SPAG1: variants seen among roughly 807,000 people sequenced by gnomAD.
SPAG1 encodes the protein sperm-associated antigen 1.
A neutral mutation model predicts 100.5 loss-of-function variants in SPAG1; 69 were observed. The ratio of observed to expected loss-of-function variants is 0.69; its 90% confidence interval spans 0.57 to 0.84. SPAG1 has a LOEUF of 0.84. Ranked by LOEUF, SPAG1 falls within the 40% of genes least tolerant of loss-of-function variation. The pLI is 0.00. For synonymous variants in SPAG1, 336 were observed against 411.6 expected (o/e 0.82, Z 2.22); for missense variants, 955 against 1,133.1 (o/e 0.84, Z 2.26).
Position 100,164,597 on chromosome 8 carries a change from G to T in SPAG1, c.141-1217G>T, listed in dbSNP as rs959046328. Among the ~76,000 whole-genome samples the T allele has an allele frequency of 7.2e-5, 11 of 152,062 alleles. No individual in the cohort carries two copies. In the South Asian group the frequency reaches 8.3e-4, roughly 12 times the overall value. On this transcript the variant is annotated intron_variant, in intron 2 of 18. Transcript: ENST00000388798. The stretch of plus-strand genomic sequence containing the variant: ...CTGCCACCACGCCCGGCTAATTTTT[G>T]TACTTTTAGTAGAGAGTCCATTTCG...
intron 10 of SPAG1, among the ~76,000 whole-genome samples, chr8:100,205,490 C>G (rs1338405061): frequency 6.6e-6 from 1 of 152,094 alleles, no homozygotes; most frequent in Non-Finnish European, 1.5e-5. Context: ...CCGGACTCAT[C>G]CTGTGGTCAT....
At position 100,240,700 on chromosome 8, in the gene SPAG1, A is replaced by C. The variant is rs746468213; in HGVS notation, c.2578A>C (p.Asn860His). ...FLLLIQSLKN[N>H]LIEKDPSLVY... ...TCTCCTCATTCAGTCTCTGAAAAAT[A>C]ATCTTATTGAAAAAGATCCCTCATT... The change falls in exon 18 of 19, where the codon AAT (asparagine) becomes CAT (histidine). Residue 860 changes from asparagine (N) to histidine (H), a missense_variant. Transcript: ENST00000388798. The C allele has an allele frequency of 1.2e-6, 2 of 1,613,884 alleles. No individual in the cohort carries two copies. The highest frequency in any genetic ancestry group is 3.3e-5 in the Admixed American group (2 of 59,986).
rs1244449541 is a variant in SPAG1, at chr8:100,225,337, C to A, written c.1853C>A (p.Thr618Lys). ...AGCAGCCATCGCCAGCAGGGCATCACAGGTGGGGGATGCCTGCACTCATTT... is the reference window on the plus strand; with the variant it reads ...AGCAGCCATCGCCAGCAGGGCATCAAAGGTGGGGGATGCCTGCACTCATTT... ...DSSSHRQQGI[T>K]DEKTFKALKE... Residue 618 changes from threonine (T) to lysine (K), a missense_variant and splice_region_variant, in exon 14 of 19, where the codon ACA becomes AAA. Thr to Lys is a moderately conservative substitution (Grantham distance 78). Coordinates refer to ENST00000388798, the MANE Select transcript of SPAG1 (RefSeq NM_003114.5). The A allele has an allele frequency of 6.2e-7, 1 of 1,613,098 alleles. No individual in the cohort carries two copies. The highest frequency in any genetic ancestry group is 8.5e-7 in the Non-Finnish European group (1 of 1,179,862).
intron 4 of SPAG1, among the ~76,000 whole-genome samples, chr8:100,181,644 C>T (rs577709620): frequency 3.3e-5 from 5 of 152,308 alleles, no homozygotes; most frequent in Non-Finnish European, 4.4e-5. Context: ...GAAGCCCCGG[C>T]CTTCCTTGGT....
intron 3 of SPAG1, among the ~76,000 whole-genome samples, chr8:100,169,278 G>A (rs1383271662): frequency 6.6e-6 from 1 of 152,158 alleles, no homozygotes; most frequent in Non-Finnish European, 1.5e-5. Flanking sequence ...CCAAAGCTGG[G>A]TGTGGTGGCG....
intron 10 of SPAG1, among the ~76,000 whole-genome samples, chr8:100,212,530 G>C (rs1817758088): frequency 6.6e-6 from 1 of 152,158 alleles, no homozygotes; most frequent in Admixed American, 6.5e-5. Flanking sequence ...TGGAAAATTT[G>C]CTGTGTTTTT....
chr8:100,206,017 C>CAAAAAAAAAAAAA (rs574907013), intron 10 of SPAG1, among the ~76,000 whole-genome samples: 8 of 77,350 alleles, frequency 1.0e-4, no homozygotes, highest in African/African-American at 1.5e-4. Context: ...GACTCTGTCT[C>CAAAAAAAAAAAAA]AAAAAAAAAA....
chr8:100,222,399 C>T (rs1214257392), intron 13 of SPAG1, among the ~76,000 whole-genome samples: 1 of 152,132 alleles, frequency 6.6e-6, no homozygotes, highest in Non-Finnish European at 1.5e-5. Flanking sequence ...TCATCTTTGT[C>T]GCTGCACTGC....
chr8:100,220,270 C>T lies in SPAG1; in HGVS notation c.1536-9C>T. On this transcript the variant is annotated splice_polypyrimidine_tract_variant and intron_variant, in intron 12 of 18. Transcript: ENST00000388798. Reference sequence around the variant, plus strand: ...AACAAATGGTATGTAATATTTTTGTCTTCTTTAGGGCTCTGGAACTTCATC... The same window carrying T: ...AACAAATGGTATGTAATATTTTTGTTTTCTTTAGGGCTCTGGAACTTCATC... 1 of 1,597,276 alleles carries T rather than the reference C, an allele frequency of 6.3e-7. No individual in the cohort carries two copies.
intron 3 of SPAG1, among the ~76,000 whole-genome samples, chr8:100,172,173 GT>G (rs1273407636): frequency 6.6e-6 from 1 of 151,976 alleles, no homozygotes; most frequent in Admixed American, 6.6e-5. Flanking sequence ...TGTGTGTGGT[GT>G]TTTTTATTTT....
chr8:100,225,128 A>G, intron 13 of SPAG1, 45 bp from the exon 14 acceptor site: 1 of 1,534,430 alleles, frequency 6.5e-7, no homozygotes, highest in Non-Finnish European at 8.9e-7. Context: ...AGTAATATAA[A>G]AAGCAAACTA....
At chr8:100,171,790 C>A (rs1245464487) in intron 3 of SPAG1, among the ~76,000 whole-genome samples, 1 of 152,244 alleles carries the variant, frequency 6.6e-6, no homozygotes, top group Admixed American at 6.5e-5. Flanking sequence ...TGTCTAGTGT[C>A]TGACCACCAT....
chr8:100,239,521 C>G lies in SPAG1; in HGVS notation c.2280+117C>G. Reference sequence around the variant, plus strand: ...AATTTTGTGTTTTTATTCTGATGATCAGTGACAAAATTTTAACCAGCAACA... The same window carrying G: ...AATTTTGTGTTTTTATTCTGATGATGAGTGACAAAATTTTAACCAGCAACA... On this transcript the variant is annotated intron_variant, in intron 17 of 18. Transcript: ENST00000388798. This position sits in a 1 kb window ranked among gnomAD's most constrained non-coding sequence, Gnocchi z 5.0. 1 of 693,460 alleles carries G rather than the reference C, an allele frequency of 1.4e-6. No individual in the cohort carries two copies. The highest frequency in any genetic ancestry group is 3.6e-4 in the Middle Eastern group (1 of 2,750). The allele number at this position is 693,460 out of a possible 1,614,324, so 43.0% of individuals were successfully genotyped here.
At chr8:100,233,070 G>T in intron 15 of SPAG1, 1 of 264,110 alleles carries the variant, frequency 3.8e-6, no homozygotes. Context: ...CTTCCAGGAA[G>T]TCTTCCCTGC....
At chr8:100,209,342 C>G (rs1359439433) in intron 10 of SPAG1, among the ~76,000 whole-genome samples, 1 of 147,316 alleles carries the variant, frequency 6.8e-6, no homozygotes, top group Non-Finnish European at 1.5e-5. Context: ...TATAATCCTA[C>G]TAATATATAT....
chr8:100,232,462 C>T (rs943493513), intron 15 of SPAG1, among the ~76,000 whole-genome samples: 4 of 152,106 alleles, frequency 2.6e-5, no homozygotes, highest in Admixed American at 2.6e-4. Context: ...CAGACTGAAG[C>T]GCTCCCCATC....
intron 14 of SPAG1, among the ~76,000 whole-genome samples, chr8:100,230,916 C>T (rs955404952): frequency 1.5e-4 from 23 of 152,116 alleles, no homozygotes; most frequent in Admixed American, 3.9e-4. Context: ...CCACTGCACC[C>T]GGCACTTGTA....
chr8:100,174,057 T>C lies in SPAG1; in HGVS notation c.301-3759T>C, dbSNP rs537605484. 1.2e-4 allele frequency among the ~76,000 whole-genome samples: 18 copies of C among 152,284 alleles called. No homozygotes were observed. The South Asian group carries it at 1.7e-3, about 14-fold the overall frequency. On this transcript the variant is annotated intron_variant, in intron 3 of 18. Coordinates refer to ENST00000388798, the MANE Select transcript of SPAG1 (RefSeq NM_003114.5). ...TAAAAAATTGACTCATAGGAAACTA[T>C]GATAAATATAGCTGACTCTTGAACA...
In SPAG1 at chr8:100,201,520, T is replaced by C. The variant is rs560330262; in HGVS notation, c.1096+7252T>C. 4.1e-4 allele frequency among the ~76,000 whole-genome samples: 62 copies of C among 152,184 alleles called. 1 individual carries two copies. The highest frequency in any genetic ancestry group is 4.7e-4 in the Non-Finnish European group (32 of 68,034). On this transcript the variant is annotated intron_variant, in intron 10 of 18. Transcript: ENST00000388798. ...TTTAATTCTTATATACAGTGTGAGG[T>C]AAATGTGTGTGGTATTACATATGTG...
Sources: gnomAD v4.1 joint callset for allele counts (sites outside exome capture counted in the v4.1 genomes callset) on GRCh38, gnomAD v4.1.1 for gene constraint, Gnocchi (gnomAD v3.1) non-coding constraint, MANE v1.5 for transcripts, NCBI Gene and HGNC (gene_info 2026-07-23, HGNC 2026-07-21) for gene names.